Variants in PCDH15 observed in about 807,000 individuals in gnomAD.
The protein encoded by PCDH15 is protocadherin related 15.
In PCDH15, 129 loss-of-function variants were observed where a neutral mutation model predicts 178.5. That is an observed-to-expected ratio of 0.72 (90% CI 0.63 to 0.84). The LOEUF (loss-of-function observed/expected upper bound fraction) is 0.84. Among genes scored for constraint, PCDH15 ranks in the 40% least tolerant of loss-of-function variants. The pLI is 0.00. For synonymous variants in PCDH15, 800 were observed against 732.0 expected (o/e 1.09, Z -1.50); for missense variants, 2,230 against 2,099.9 (o/e 1.06, Z -1.21).
chr10:54,351,188 T>C (rs1008707264), intron 5 of PCDH15, among the ~76,000 whole-genome samples: 4 of 152,118 alleles, frequency 2.6e-5, no homozygotes, highest in African/African-American at 9.7e-5. Context: ...TATAAAACTG[T>C]GAACAAAGAG....
chr10:55,610,258 A>G (rs1363026425), intron 2 of PCDH15, among the ~76,000 whole-genome samples: 1 of 152,088 alleles, frequency 6.6e-6, no homozygotes, highest in African/African-American at 2.4e-5. Flanking sequence ...ACTAACTTTA[A>G]TTTATGCATG....
intron 1 of PCDH15, among the ~76,000 whole-genome samples, chr10:55,306,659 A>C (rs1843433266): frequency 1.3e-5 from 2 of 152,222 alleles, no homozygotes; most frequent in Non-Finnish European, 2.9e-5. Context: ...ATTTAATAGA[A>C]ACTCGAGATT....
At chr10:54,116,571 A>G (rs551868193) in intron 15 of PCDH15, among the ~76,000 whole-genome samples, 1 of 152,364 alleles carries the variant, frequency 6.6e-6, no homozygotes, top group South Asian at 2.1e-4. Context: ...AACATCCTTC[A>G]GAGTAGACAT....
At chr10:54,278,969 T>C (rs1170207080) in intron 8 of PCDH15, among the ~76,000 whole-genome samples, 1 of 151,582 alleles carries the variant, frequency 6.6e-6, no homozygotes, top group East Asian at 1.9e-4. Context: ...ATACATGATA[T>C]TATACAATAA....
At chr10:54,200,720 G>A (rs758879132) in intron 10 of PCDH15, among the ~76,000 whole-genome samples, 6 of 152,014 alleles carry the variant, frequency 3.9e-5, no homozygotes, top group Non-Finnish European at 7.4e-5. Flanking sequence ...ACAGCTTCTC[G>A]GTTCTCTTCC....
intron 1 of PCDH15, among the ~76,000 whole-genome samples, chr10:54,742,566 C>T (rs562294196): frequency 2.6e-5 from 4 of 152,108 alleles, no homozygotes; most frequent in Admixed American, 2.0e-4. Flanking sequence ...TCCTAGAATA[C>T]TGGCTTTCTC....
chr10:54,458,794 C>A (rs1452080494), intron 3 of PCDH15, among the ~76,000 whole-genome samples: 1 of 152,104 alleles, frequency 6.6e-6, no homozygotes, highest in Non-Finnish European at 1.5e-5. Flanking sequence ...AGATTCTTGC[C>A]TTTGGATCCC....
At chr10:54,109,784 C>T (rs902865724) in intron 15 of PCDH15, among the ~76,000 whole-genome samples, 1 of 151,954 alleles carries the variant, frequency 6.6e-6, no homozygotes, top group African/African-American at 2.4e-5. Context: ...TTTGTTAGGA[C>T]AACAAAGTGA....
chr10:54,037,617 A>G (rs1307969796), intron 18 of PCDH15, among the ~76,000 whole-genome samples: 1 of 151,946 alleles, frequency 6.6e-6, no homozygotes, highest in African/African-American at 2.4e-5. Flanking sequence ...ATTTATATGC[A>G]CTGGGAAACC....
intron 3 of PCDH15, among the ~76,000 whole-genome samples, chr10:54,874,914 G>A (rs1034864762): frequency 2.0e-5 from 3 of 152,104 alleles, no homozygotes; most frequent in Admixed American, 6.6e-5. Flanking sequence ...ATTGGAGGAG[G>A]CTTAGAAATT....
chr10:54,155,791 T>TAAAA (rs527427577), intron 13 of PCDH15, among the ~76,000 whole-genome samples: 18 of 119,568 alleles, frequency 1.5e-4, no homozygotes, highest in African/African-American at 5.5e-4. Flanking sequence ...GTGAGACTCT[T>TAAAA]AAAAAAAAAA....
At chr10:54,219,035 C>A (rs2052422582) in intron 9 of PCDH15, among the ~76,000 whole-genome samples, 1 of 141,446 alleles carries the variant, frequency 7.1e-6, no homozygotes, top group South Asian at 2.3e-4. Context: ...GGGAGGATCA[C>A]AAGGTCAGGA....
At chr10:54,552,300 T>G (rs1030845243) in intron 2 of PCDH15, among the ~76,000 whole-genome samples, 7 of 152,146 alleles carry the variant, frequency 4.6e-5, no homozygotes, top group Non-Finnish European at 8.8e-5. Flanking sequence ...AGTAGAAAAT[T>G]TTATTCATAG....
intron 1 of PCDH15, among the ~76,000 whole-genome samples, chr10:54,785,412 G>A (rs1249248132): frequency 6.6e-6 from 1 of 151,880 alleles, no homozygotes; most frequent in Non-Finnish European, 1.5e-5. Context: ...TAACTCCCAA[G>A]TAGGGTAATA....
chr10:54,104,571 C>T (rs959786879), intron 15 of PCDH15, among the ~76,000 whole-genome samples: 1 of 152,118 alleles, frequency 6.6e-6, no homozygotes, highest in Non-Finnish European at 1.5e-5. Flanking sequence ...GGCGCGGTAG[C>T]TCACGCCTGT....
chr10:54,229,219 G>A (rs11004153), intron 9 of PCDH15, among the ~76,000 whole-genome samples: 78,343 of 151,848 alleles, frequency 0.52, 23,179 homozygotes, highest in Non-Finnish European at 0.67. Context: ...CAGGCAGACC[G>A]GAAATAAAGT....
chr10:55,445,713 C>CA (rs969972935), intron 2 of PCDH15, among the ~76,000 whole-genome samples: 4 of 151,626 alleles, frequency 2.6e-5, no homozygotes, highest in East Asian at 1.9e-4. Context: ...TTAAAAACAC[C>CA]AAAAAAAATC....
intron 2 of PCDH15, among the ~76,000 whole-genome samples, chr10:55,593,526 C>T (rs560979007): frequency 6.6e-6 from 1 of 151,782 alleles, no homozygotes; most frequent in Admixed American, 6.6e-5. Context: ...TGGAGAGAGA[C>T]AATTTTTTCT....
intron 15 of PCDH15, among the ~76,000 whole-genome samples, chr10:54,102,989 G>A (rs2094839819): frequency 6.6e-6 from 1 of 152,112 alleles, no homozygotes; most frequent in African/African-American, 2.4e-5. Flanking sequence ...CAGTGACCTT[G>A]GTAAAAGGCC....
Sources: gnomAD v4.1 joint callset for allele counts (sites outside exome capture counted in the v4.1 genomes callset) on GRCh38, gnomAD v4.1.1 for gene constraint, MANE v1.5 for transcripts, NCBI Gene and HGNC (gene_info 2026-07-23, HGNC 2026-07-21) for gene names.